PCSK5: variants seen among roughly 807,000 people sequenced by gnomAD.
PCSK5 encodes the protein proprotein convertase subtilisin/kexin type 5.
In PCSK5, 129 loss-of-function variants were observed where a neutral mutation model predicts 233.2. That is an observed-to-expected ratio of 0.55 (90% confidence interval 0.48 to 0.64). The LOEUF is 0.64. Among genes scored for constraint, PCSK5 ranks in the 30% least tolerant of loss-of-function variants. PCSK5 has a pLI of 0.00. For synonymous variants in PCSK5, 825 were observed against 879.2 expected (o/e 0.94, Z 1.09); for missense variants, 2,076 against 2,430.1 (o/e 0.85, Z 3.06).
chr9:75,990,199 CTGCAG>C (rs534853584), intron 3 of PCSK5, among the ~76,000 whole-genome samples: 74 of 152,314 alleles, frequency 4.9e-4, no homozygotes, highest in African/African-American at 1.7e-3. Context: ...CCCTGAGCTG[CTGCAG>C]TGTTTCTGAC....
intron 16 of PCSK5, 119 bp downstream of exon 16, chr9:76,181,710 C>G: frequency 1.5e-6 from 1 of 663,354 alleles, no homozygotes; most frequent in East Asian, 2.8e-5. Flanking sequence ...CAAACAGGAT[C>G]TAGTTCATTC....
intron 24 of PCSK5, among the ~76,000 whole-genome samples, chr9:76,282,670 T>A (rs1335700721): frequency 6.6e-6 from 1 of 152,136 alleles, no homozygotes; most frequent in Non-Finnish European, 1.5e-5. Context: ...CATGTGCAGA[T>A]TTATTACATG....
chr9:76,071,683 A>C, intron 6 of PCSK5, 43 bp from the exon 7 acceptor site: 4 of 1,533,012 alleles, frequency 2.6e-6, no homozygotes, highest in Non-Finnish European at 3.6e-6. Context: ...AGTGTTGTGT[A>C]GGGAAGCCCT....
At chr9:76,049,227 A>C (rs1829536634) in intron 5 of PCSK5, among the ~76,000 whole-genome samples, 1 of 152,224 alleles carries the variant, frequency 6.6e-6, no homozygotes, top group Admixed American at 6.5e-5. Flanking sequence ...TCATAAGCTC[A>C]TGCAAATACC....
chr9:75,911,201 GTTTTTTTTTTTTTTTTTTT>G (rs71370772), intron 1 of PCSK5, among the ~76,000 whole-genome samples: 1 of 48,764 alleles, frequency 2.1e-5, no homozygotes, highest in African/African-American at 8.4e-5. Flanking sequence ...GAACATATAG[GTTTTTTTTTTTTTTTTTTT>G]TTTTTTTTTT....
At chr9:76,174,473 A>AT (rs918756961) in intron 13 of PCSK5, among the ~76,000 whole-genome samples, 44 of 148,554 alleles carry the variant, frequency 3.0e-4, no homozygotes, top group East Asian at 1.6e-3. Flanking sequence ...CGCCCAGCTA[A>AT]TTTTTTTTTT....
intron 5 of PCSK5, among the ~76,000 whole-genome samples, chr9:76,064,535 G>GGGGTGGCTGCC (rs1279516289): frequency 1.3e-5 from 2 of 150,286 alleles, no homozygotes; most frequent in Non-Finnish European, 3.0e-5. Flanking sequence ...CCTCCCGGAC[G>GGGGTGGCTGCC]GGGTGGCTGC....
At chr9:76,270,742 T>C (rs1448661855) in intron 24 of PCSK5, among the ~76,000 whole-genome samples, 2 of 152,206 alleles carry the variant, frequency 1.3e-5, no homozygotes, top group African/African-American at 2.4e-5. Context: ...TCAATGATCT[T>C]GAACAGCATC....
intron 5 of PCSK5, among the ~76,000 whole-genome samples, chr9:76,058,861 T>G (rs1230866792): frequency 1.3e-5 from 2 of 152,224 alleles, no homozygotes; most frequent in African/African-American, 4.8e-5. Flanking sequence ...ATGAAACTTT[T>G]AAGCCAGACA....
chr9:76,044,048 T>G (rs1436717751), intron 5 of PCSK5, among the ~76,000 whole-genome samples: 1 of 152,230 alleles, frequency 6.6e-6, no homozygotes, highest in Admixed American at 6.5e-5. Flanking sequence ...ACCAACTTTC[T>G]TATTACATTC....
At chr9:75,992,263 C>A (rs942818742) in intron 3 of PCSK5, among the ~76,000 whole-genome samples, 1 of 152,120 alleles carries the variant, frequency 6.6e-6, no homozygotes, top group Non-Finnish European at 1.5e-5. Context: ...AGGGGTTTCT[C>A]CCTTGTTGGT....
At chr9:75,999,587 ATTGT>A (rs1366310233) in intron 3 of PCSK5, among the ~76,000 whole-genome samples, 1 of 152,234 alleles carries the variant, frequency 6.6e-6, no homozygotes, top group East Asian at 1.9e-4. Context: ...CACTCATGCC[ATTGT>A]TTGTGGCTTA....
chr9:76,129,648 C>T (rs10120649), intron 9 of PCSK5, among the ~76,000 whole-genome samples: 74,231 of 151,776 alleles, frequency 0.49, 18,426 homozygotes, highest in Admixed American at 0.53. Flanking sequence ...GACCACCAGA[C>T]ACAGATGTAT....
At chr9:76,351,438 T>TGAAA (rs200572590) in intron 36 of PCSK5, among the ~76,000 whole-genome samples, 10,821 of 29,132 alleles carry the variant, frequency 0.37, 3,278 homozygotes, top group East Asian at 0.59. Context: ...CCCTGCAATG[T>TGAAA]GAAAGAAAGG....
At chr9:75,954,708 C>T (rs1312975028) in intron 2 of PCSK5, among the ~76,000 whole-genome samples, 1 of 152,124 alleles carries the variant, frequency 6.6e-6, no homozygotes, top group African/African-American at 2.4e-5. Flanking sequence ...ACACATACCC[C>T]GTGGAAGCCT....
chr9:75,966,646 C>G (rs1825599433), intron 2 of PCSK5, among the ~76,000 whole-genome samples: 1 of 152,172 alleles, frequency 6.6e-6, no homozygotes. Flanking sequence ...CTTGACCTGT[C>G]ATTAAACATA....
chr9:75,988,166 A>G (rs1459635250), intron 3 of PCSK5, among the ~76,000 whole-genome samples: 1 of 152,174 alleles, frequency 6.6e-6, no homozygotes, highest in Non-Finnish European at 1.5e-5. Flanking sequence ...TGGCCATTTA[A>G]CATGTTTGGT....
At chr9:76,286,146 C>T (rs941465463) in intron 24 of PCSK5, among the ~76,000 whole-genome samples, 8 of 152,106 alleles carry the variant, frequency 5.3e-5, no homozygotes, top group African/African-American at 7.2e-5. Context: ...GGTCATTTTT[C>T]CCCCCATAAA....
intron 1 of PCSK5, among the ~76,000 whole-genome samples, chr9:75,928,423 C>T (rs1262480369): frequency 1.3e-5 from 2 of 151,666 alleles, no homozygotes; most frequent in African/African-American, 2.4e-5. Flanking sequence ...TTTTCATACA[C>T]TGCCTTTCTT....
Sources: gnomAD v4.1 joint callset for allele counts (sites outside exome capture counted in the v4.1 genomes callset) on GRCh38, gnomAD v4.1.1 for gene constraint, MANE v1.5 for transcripts, NCBI Gene and HGNC (gene_info 2026-07-23, HGNC 2026-07-21) for gene names.